The following ABCB5 variants were observed in gnomAD, a reference collection of about 807,000 sequenced individuals.
The protein encoded by ABCB5 is ATP binding cassette subfamily B member 5, also known as ATP-binding cassette sub-family B member 5.
ABCB5 carries 155 observed loss-of-function variants against 144.2 expected under a neutral mutation model. That is an observed-to-expected ratio of 1.08 (90% CI 0.94 to 1.23). The LOEUF is 1.23. Ranked by LOEUF, ABCB5 falls within the 50% of genes most tolerant of loss-of-function variation. The probability of loss-of-function intolerance (pLI) is 0.00; values close to 1 mark genes in which losing one functional copy is unlikely to be tolerated. For synonymous variants in ABCB5, 610 were observed against 528.6 expected (o/e 1.15, Z -2.11); for missense variants, 1,830 against 1,520.8 (o/e 1.20, Z -3.38).
chr7:20,740,040 G>T (rs1345801505), intron 24 of ABCB5, among the ~76,000 whole-genome samples: 1 of 151,988 alleles, frequency 6.6e-6, no homozygotes, highest in Non-Finnish European at 1.5e-5. Flanking sequence ...GTCCATCCTG[G>T]CTAACATGGT....
chr7:20,745,968 G>A (rs745978552), intron 26 of ABCB5, among the ~76,000 whole-genome samples: 9 of 152,190 alleles, frequency 5.9e-5, no homozygotes, highest in Non-Finnish European at 1.0e-4. Context: ...CCACACAGTC[G>A]CTTTGCTGCA....
intron 5 of ABCB5, among the ~76,000 whole-genome samples, chr7:20,633,491 A>G (rs1583380786): frequency 6.6e-6 from 1 of 152,148 alleles, no homozygotes; most frequent in Admixed American, 6.6e-5. Flanking sequence ...ATTATAATTG[A>G]CACACAATAA....
intron 20 of ABCB5, among the ~76,000 whole-genome samples, chr7:20,720,352 T>A (rs958709704): frequency 2.0e-4 from 31 of 152,228 alleles, no homozygotes; most frequent in African/African-American, 7.2e-4. Context: ...GATTTTGACA[T>A]AGCTTCAAAG....
chr7:20,647,191 C>T, intron 9 of ABCB5: 2 of 745,752 alleles, frequency 2.7e-6, no homozygotes, highest in Non-Finnish European at 3.3e-6. Context: ...GAGTGCAACT[C>T]ACCATGGGGT....
chr7:20,666,542 C>T (rs1785200952), intron 14 of ABCB5, among the ~76,000 whole-genome samples: 1 of 152,094 alleles, frequency 6.6e-6, no homozygotes, highest in Non-Finnish European at 1.5e-5. Flanking sequence ...TTTAAAGCAC[C>T]CTCTTTTTCA....
At chr7:20,660,763 C>G (rs1250578382) in intron 14 of ABCB5, among the ~76,000 whole-genome samples, 7 of 152,162 alleles carry the variant, frequency 4.6e-5, no homozygotes, top group Non-Finnish European at 1.0e-4. Flanking sequence ...TCCTGCAAGC[C>G]ACTAACCAAC....
intron 14 of ABCB5, among the ~76,000 whole-genome samples, chr7:20,663,860 C>T (rs1785084980): frequency 1.3e-5 from 2 of 151,872 alleles, no homozygotes; most frequent in Non-Finnish European, 2.9e-5. Context: ...GGATTACAGG[C>T]ACACACCACC....
intron 5 of ABCB5, among the ~76,000 whole-genome samples, chr7:20,637,933 G>A (rs74565940): frequency 0.11 from 16,278 of 152,100 alleles, 1,130 homozygotes; most frequent in Non-Finnish European, 0.15. Flanking sequence ...GGCCTCAAGG[G>A]TGGCTTCATT....
chr7:20,739,793 A>C (rs781548134), intron 24 of ABCB5, among the ~76,000 whole-genome samples: 14 of 152,142 alleles, frequency 9.2e-5, no homozygotes, highest in Non-Finnish European at 1.9e-4. Flanking sequence ...TGGGAAATAT[A>C]TTTACAAACA....
intron 1 of ABCB5, among the ~76,000 whole-genome samples, chr7:20,620,084 T>C (rs1314771896): frequency 6.6e-6 from 1 of 152,228 alleles, no homozygotes; most frequent in South Asian, 2.1e-4. Context: ...CCTTATAGTA[T>C]ACTTTGAAGT....
chr7:20,648,297 C>T (rs974920335), intron 11 of ABCB5, among the ~76,000 whole-genome samples: 3 of 152,174 alleles, frequency 2.0e-5, no homozygotes, highest in Non-Finnish European at 4.4e-5. Flanking sequence ...AAAGCATTTT[C>T]AGCTCCGTGA....
intron 13 of ABCB5, among the ~76,000 whole-genome samples, 172 bp from the exon 14 acceptor site, chr7:20,658,334 T>G (rs1194518705): frequency 6.6e-6 from 1 of 150,938 alleles, no homozygotes; most frequent in Non-Finnish European, 1.5e-5. Context: ...GCTCTTTTTT[T>G]TTTTTTTACA....
rs181783118 is a variant in ABCB5, at chr7:20,670,896, C to T, written c.1708-10609C>T. Reference sequence around the variant, plus strand: ...TGCACTCCAGCCCGGGCAACAAGAGCGAAATTCCACCTGAAATAAAAAGAA... The same window carrying T: ...TGCACTCCAGCCCGGGCAACAAGAGTGAAATTCCACCTGAAATAAAAAGAA... On this transcript the variant is annotated intron_variant, in intron 14 of 27. Transcript: ENST00000404938. Among the ~76,000 whole-genome samples the T allele has an allele frequency of 8.6e-5, 13 of 151,882 alleles. No individual in the cohort carries two copies. In the East Asian group the frequency reaches 1.7e-3, roughly 20 times the overall value.
intron 5 of ABCB5, among the ~76,000 whole-genome samples, chr7:20,642,831 C>T (rs1050152926): frequency 3.3e-5 from 5 of 152,078 alleles, no homozygotes; most frequent in Non-Finnish European, 7.4e-5. Context: ...TTATCAAATG[C>T]TTTTGACTGC....
In ABCB5 at chr7:20,699,938, T is replaced by C; in HGVS notation, c.2259+9T>C. On this transcript the variant is annotated intron_variant, in intron 18 of 27. Coordinates refer to ENST00000404938, the MANE Select transcript of ABCB5 (RefSeq NM_001163941.2). ...TCAGTTATTTCATGCAGGTAAGCTT[T>C]TAATAAACAAGCCTGAGCATGATTA... 1.2e-6 allele frequency: 2 copies of C among 1,608,036 alleles called. No individual in the cohort carries two copies. The highest frequency in any genetic ancestry group is 1.1e-5 in the South Asian group (1 of 90,310).
At chr7:20,693,195 T>C (rs1786291469) in intron 16 of ABCB5, among the ~76,000 whole-genome samples, 2 of 151,868 alleles carry the variant, frequency 1.3e-5, no homozygotes, top group Non-Finnish European at 2.9e-5. Context: ...AGACCCTGTT[T>C]CTACAAAAAA....
intron 14 of ABCB5, among the ~76,000 whole-genome samples, chr7:20,667,896 T>G (rs1201369500): frequency 7.0e-6 from 1 of 143,758 alleles, no homozygotes; most frequent in Non-Finnish European, 1.5e-5. Context: ...TGGTTTTCGT[T>G]TTTTTTTTGG....
chr7:20,741,647 T>A (rs1287014173), intron 24 of ABCB5, among the ~76,000 whole-genome samples: 1 of 151,906 alleles, frequency 6.6e-6, no homozygotes, highest in African/African-American at 2.4e-5. Flanking sequence ...TATCATAAAA[T>A]TTTTTTTGTT....
chr7:20,715,639 G>T (rs1416698675), intron 20 of ABCB5, among the ~76,000 whole-genome samples: 1 of 151,694 alleles, frequency 6.6e-6, no homozygotes, highest in Non-Finnish European at 1.5e-5. Context: ...TGAACTCCTG[G>T]GCTCAAGTGA....
Sources: gnomAD v4.1 joint callset for allele counts (sites outside exome capture counted in the v4.1 genomes callset) on GRCh38, gnomAD v4.1.1 for gene constraint, MANE v1.5 for transcripts, NCBI Gene and HGNC (gene_info 2026-07-23, HGNC 2026-07-21) for gene names.